Variants in MYT1L observed in about 807,000 individuals in gnomAD.
The protein encoded by MYT1L is myelin transcription factor 1 like, also known as myelin transcription factor 1-like protein.
MYT1L carries 12 observed loss-of-function variants against 126.7 expected under a neutral mutation model. That is an observed-to-expected ratio of 0.09 (90% CI 0.06 to 0.15). MYT1L has a LOEUF of 0.15. MYT1L is among the 10% of genes least tolerant of loss of function. The pLI is 1.00. For missense variants in MYT1L, 979 were observed against 1,585.2 expected (o/e 0.62, Z 6.49); for synonymous variants, 541 against 604.2 (o/e 0.90, Z 1.53).
In MYT1L at chr2:2,202,090, C is replaced by T. The variant is rs1049566340; in HGVS notation, c.-420-29102G>A. On this transcript the variant is annotated intron_variant, in intron 2 of 24. Coordinates refer to ENST00000647738, the MANE Select transcript of MYT1L (RefSeq NM_001303052.2). ...GAAACCAATGAGAACAAAGACACAA[C>T]ATACCAGAATCTCTGGGACACATTC... 5.3e-5 allele frequency among the ~76,000 whole-genome samples: 8 copies of T among 152,146 alleles called. No individual in the cohort carries two copies. In the East Asian group the frequency reaches 1.4e-3, roughly 26 times the overall value.
intron 18 of MYT1L, among the ~76,000 whole-genome samples, chr2:1,873,661 A>G (rs972783769): frequency 1.3e-5 from 2 of 152,242 alleles, no homozygotes; most frequent in Non-Finnish European, 2.9e-5. Flanking sequence ...GAAAGCCCCA[A>G]TCCCAGACTC....
chr2:2,174,750 T>A (rs2090518737), intron 2 of MYT1L, among the ~76,000 whole-genome samples: 1 of 152,108 alleles, frequency 6.6e-6, no homozygotes, highest in African/African-American at 2.4e-5. Flanking sequence ...TTTAAAAATA[T>A]AACTATTCAT....
intron 2 of MYT1L, among the ~76,000 whole-genome samples, chr2:2,191,881 C>G (rs962257496): frequency 6.6e-6 from 1 of 152,188 alleles, no homozygotes. Flanking sequence ...TGCTGCACAA[C>G]CTCCAGCATA....
At chr2:2,116,682 C>CA (rs2080246764) in intron 3 of MYT1L, among the ~76,000 whole-genome samples, 1 of 152,268 alleles carries the variant, frequency 6.6e-6, no homozygotes, top group South Asian at 2.1e-4. Flanking sequence ...AGATGCCTCT[C>CA]AGATTCCATA....
chr2:1,872,367 G>T (rs911733378), intron 18 of MYT1L, among the ~76,000 whole-genome samples: 5 of 152,160 alleles, frequency 3.3e-5, no homozygotes, highest in Non-Finnish European at 7.4e-5. Flanking sequence ...AGAATAAGAC[G>T]ACCAAAATAT....
At chr2:2,272,365 C>G (rs2095281064) in intron 2 of MYT1L, among the ~76,000 whole-genome samples, 1 of 152,206 alleles carries the variant, frequency 6.6e-6, no homozygotes, top group South Asian at 2.1e-4. Context: ...CACCCTGCCC[C>G]CGCCCTCGCT....
chr2:2,186,092 G>GCCAGGCCTT lies in MYT1L; in HGVS notation c.-420-13113_-420-13105dup, dbSNP rs1252040950. Among the ~76,000 whole-genome samples, 2 of 135,590 alleles carry GCCAGGCCTT rather than the reference G, an allele frequency of 1.5e-5. 1 individual carries two copies. Among genetic ancestry groups the GCCAGGCCTT allele is most frequent in the African/African-American group, 6.1e-5 (2 of 32,690 alleles). 89.0% of individuals were successfully genotyped at this position (135,590 alleles called of 152,430 possible). On this transcript the variant is annotated intron_variant, in intron 2 of 24. Coordinates refer to ENST00000647738, the MANE Select transcript of MYT1L (RefSeq NM_001303052.2). ...GCGTTCCTTCCGTGAGGGGGACGCA[G>GCCAGGCCTT]CCAGGCCTTCCGGGCCTTCCGGAGT... is the stretch of plus-strand genomic sequence containing the variant.
At chr2:2,283,367 C>A (rs1035480202) in intron 2 of MYT1L, among the ~76,000 whole-genome samples, 3 of 152,168 alleles carry the variant, frequency 2.0e-5, no homozygotes, top group African/African-American at 4.8e-5. Context: ...AAAACTTGGT[C>A]TCTCTGGCAG....
At position 2,253,359 on chromosome 2, in the gene MYT1L, C is replaced by T. The variant is rs1415344582; in HGVS notation, c.-421+31045G>A. 2.0e-5 allele frequency among the ~76,000 whole-genome samples: 3 copies of T among 152,204 alleles called. No individual in the cohort carries two copies. In the East Asian group the frequency reaches 5.8e-4, roughly 29 times the overall value. ...AGCGTTAGGCGCTTTCTCTACTCTT[C>T]CACCTTTGGCTGAGTCAGCATATGA... On this transcript the variant is annotated intron_variant, in intron 2 of 24. Coordinates refer to ENST00000647738, the MANE Select transcript of MYT1L (RefSeq NM_001303052.2).
chr2:2,296,868 C>CT (rs2095702980), intron 1 of MYT1L, among the ~76,000 whole-genome samples: 1 of 152,200 alleles, frequency 6.6e-6, no homozygotes, highest in African/African-American at 2.4e-5. Flanking sequence ...GCAGGGCTGG[C>CT]CAGCACCCCA....
chr2:1,864,923 C>T (rs2045255471), intron 18 of MYT1L, among the ~76,000 whole-genome samples: 1 of 152,176 alleles, frequency 6.6e-6, no homozygotes, highest in African/African-American at 2.4e-5. Context: ...CAGCTGGGAG[C>T]TGGGGCTCAG....
chr2:2,235,806 T>C (rs1470380668), intron 2 of MYT1L, among the ~76,000 whole-genome samples: 1 of 152,170 alleles, frequency 6.6e-6, no homozygotes, highest in Non-Finnish European at 1.5e-5. Flanking sequence ...TTTTATAAGG[T>C]ACGCCCCTCC....
intron 1 of MYT1L, among the ~76,000 whole-genome samples, chr2:2,327,802 C>T (rs2096260190): frequency 6.6e-6 from 1 of 152,106 alleles, no homozygotes; most frequent in Non-Finnish European, 1.5e-5. Context: ...TGACTAGTCC[C>T]TCTAATTCCA....
intron 2 of MYT1L, among the ~76,000 whole-genome samples, chr2:2,174,318 T>C (rs1373932873): frequency 1.3e-5 from 2 of 152,226 alleles, no homozygotes; most frequent in African/African-American, 2.4e-5. Context: ...GTGTGTTTTA[T>C]GGCTTTTTCT....
At chr2:2,174,497 C>G (rs374507430) in intron 2 of MYT1L, among the ~76,000 whole-genome samples, 2 of 152,178 alleles carry the variant, frequency 1.3e-5, no homozygotes, top group East Asian at 1.9e-4. Context: ...GCACTCTGAC[C>G]ATTAATGCTC....
chr2:2,317,651 AT>A (rs1162096118), intron 1 of MYT1L, among the ~76,000 whole-genome samples: 2 of 152,204 alleles, frequency 1.3e-5, no homozygotes, highest in African/African-American at 4.8e-5. Context: ...TTAGGTAAAA[AT>A]ATCCTCCTGG....
chr2:2,183,599 T>C (rs957888766), intron 2 of MYT1L, among the ~76,000 whole-genome samples: 1 of 152,122 alleles, frequency 6.6e-6, no homozygotes, highest in Admixed American at 6.6e-5. Context: ...TGTGATGAGG[T>C]AGAGATCCAT....
chr2:2,285,765 A>G (rs886340009), intron 1 of MYT1L, among the ~76,000 whole-genome samples: 2 of 152,186 alleles, frequency 1.3e-5, no homozygotes, highest in African/African-American at 4.8e-5. Context: ...CTGCAGGTTC[A>G]GTATCTCTCT....
At chr2:2,136,533 C>T (rs1270736424) in intron 3 of MYT1L, among the ~76,000 whole-genome samples, 2 of 152,168 alleles carry the variant, frequency 1.3e-5, no homozygotes, top group African/African-American at 4.8e-5. Flanking sequence ...GGGAGCAAGT[C>T]AATCATGGAC....
Sources: allele counts gnomAD v4.1 joint callset (sites outside exome capture counted in the v4.1 genomes callset), GRCh38; gene constraint gnomAD v4.1.1; transcripts MANE v1.5; gene names NCBI Gene and HGNC (gene_info 2026-07-23, HGNC 2026-07-21).